EVI5: variants seen among roughly 807,000 people sequenced by gnomAD.
EVI5 encodes ecotropic viral integration site 5 protein homolog.
In EVI5, 73 loss-of-function variants were observed where a neutral mutation model predicts 112.0. That is an observed-to-expected ratio of 0.65 (90% confidence interval 0.54 to 0.79). EVI5 has a LOEUF of 0.79. EVI5 is among the 30% of genes least tolerant of loss of function. EVI5 has a pLI of 0.00. For synonymous variants in EVI5, 305 were observed against 319.9 expected (o/e 0.95, Z 0.50); for missense variants, 900 against 968.8 (o/e 0.93, Z 0.94).
chr1:92,625,603 A>T (rs1655498809), intron 15 of EVI5, 191 bp downstream of exon 15: 1 of 480,756 alleles, frequency 2.1e-6, no homozygotes. Flanking sequence ...TTATTTTATT[A>T]TAAGAATTAA....
At chr1:92,591,841 T>C (rs557073318) in intron 18 of EVI5, among the ~76,000 whole-genome samples, 17 of 152,292 alleles carry the variant, frequency 1.1e-4, no homozygotes, top group Admixed American at 2.6e-4. Flanking sequence ...TATTCCAAAA[T>C]TGACCATATA....
At chr1:92,634,851 G>C (rs1450760863) in intron 14 of EVI5, among the ~76,000 whole-genome samples, 1 of 152,114 alleles carries the variant, frequency 6.6e-6, no homozygotes, top group Non-Finnish European at 1.5e-5. Context: ...GTACAGATGG[G>C]GTTTTGGTGT....
At chr1:92,680,637 A>C (rs1477072192) in intron 9 of EVI5, among the ~76,000 whole-genome samples, 3 of 152,212 alleles carry the variant, frequency 2.0e-5, no homozygotes, top group African/African-American at 7.2e-5. Flanking sequence ...TACTTATTAC[A>C]AAAGGGGAAA....
intron 14 of EVI5, among the ~76,000 whole-genome samples, chr1:92,629,395 A>G (rs1656388580): frequency 6.6e-6 from 1 of 152,222 alleles, no homozygotes; most frequent in African/African-American, 2.4e-5. Flanking sequence ...CAAACGACAC[A>G]GAGCCCAGGC....
At chr1:92,669,626 T>A (rs752295219) in intron 10 of EVI5, among the ~76,000 whole-genome samples, 1 of 151,826 alleles carries the variant, frequency 6.6e-6, no homozygotes, top group Non-Finnish European at 1.5e-5. Flanking sequence ...GTTATCTTTT[T>A]AAAATGTCTG....
chr1:92,727,810 G>A (rs1456993154), intron 2 of EVI5, among the ~76,000 whole-genome samples: 1 of 151,896 alleles, frequency 6.6e-6, no homozygotes, highest in Non-Finnish European at 1.5e-5. Context: ...GAATCCGGGA[G>A]TTCAAGAACA....
chr1:92,578,011 T>C (rs10127891), intron 18 of EVI5, among the ~76,000 whole-genome samples: 8 of 152,242 alleles, frequency 5.3e-5, no homozygotes, highest in African/African-American at 1.9e-4. Context: ...AAAGGCGCTA[T>C]GGTGCTATAT....
intron 2 of EVI5, among the ~76,000 whole-genome samples, chr1:92,705,036 A>G (rs972640038): frequency 6.6e-6 from 1 of 152,174 alleles, no homozygotes; most frequent in African/African-American, 2.4e-5. Flanking sequence ...ATTAGGGGAA[A>G]TCTGATGAGA....
chr1:92,770,261 A>G (rs1343308109), intron 1 of EVI5, among the ~76,000 whole-genome samples: 1 of 152,220 alleles, frequency 6.6e-6, no homozygotes, highest in Admixed American at 6.5e-5. Context: ...CAGGAAAGTA[A>G]CACAGTATAG....
chr1:92,715,298 C>G (rs1048553647), intron 2 of EVI5, among the ~76,000 whole-genome samples: 10 of 152,096 alleles, frequency 6.6e-5, no homozygotes, highest in Admixed American at 3.3e-4. Flanking sequence ...CATAAGCCAC[C>G]GTGCCCTGAC....
intron 18 of EVI5, among the ~76,000 whole-genome samples, chr1:92,597,191 A>G (rs1648106545): frequency 6.6e-6 from 1 of 152,252 alleles, no homozygotes; most frequent in South Asian, 2.1e-4. Flanking sequence ...CCACAGAGAC[A>G]TTCAGGATTT....
chr1:92,614,606 C>G (rs1258930137), intron 16 of EVI5, among the ~76,000 whole-genome samples: 1 of 151,904 alleles, frequency 6.6e-6, no homozygotes, highest in Non-Finnish European at 1.5e-5. Flanking sequence ...ACTGGCCTAG[C>G]CTCCCAGCCT....
At chr1:92,539,560 A>ACC (rs34724748) in intron 19 of EVI5, among the ~76,000 whole-genome samples, 108,461 of 137,544 alleles carry the variant, frequency 0.79, 43,508 homozygotes, top group East Asian at 0.94. Context: ...AAAAAAAAAA[A>ACC]AAAAAATCTT....
At chr1:92,666,508 G>C (rs2102220455) in intron 10 of EVI5, among the ~76,000 whole-genome samples, 2 of 141,668 alleles carry the variant, frequency 1.4e-5, no homozygotes, top group East Asian at 2.1e-4. Context: ...GGCTGAGGTG[G>C]GGGTGGTGGA....
intron 1 of EVI5, among the ~76,000 whole-genome samples, chr1:92,776,945 G>C (rs1331927960): frequency 1.3e-5 from 2 of 152,070 alleles, no homozygotes; most frequent in Non-Finnish European, 2.9e-5. Context: ...TGGGACTACA[G>C]ACGCCCGCCA....
In EVI5 at chr1:92,563,658, G is replaced by T; in HGVS notation, c.2150C>A (p.Ala717Glu). Reference protein sequence around the residue: ...QYIGELKDQIAELNHELRCLK... With the variant: ...QYIGELKDQIEELNHELRCLK... ...ATCACTTACCTCATGATTCAGCTCT[G>T]CTATCTGATCTTTCAGTTCCCCAAT... The change falls in exon 19 of 20, where the codon GCA (alanine) becomes GAA (glutamate). Residue 717 changes from alanine (A) to glutamate (E), a missense_variant. Physicochemically the swap from Ala to Glu is moderately radical, Grantham distance 107 (BLOSUM62 -1). Coordinates refer to ENST00000684568, the MANE Select transcript of EVI5 (RefSeq NM_001350197.2). 1 of 1,585,046 alleles carries T rather than the reference G, an allele frequency of 6.3e-7. No individual in the cohort carries two copies. The highest frequency in any genetic ancestry group is 8.6e-7 in the Non-Finnish European group (1 of 1,157,480).
chr1:92,524,780 T>A (rs571516188), intron 19 of EVI5, among the ~76,000 whole-genome samples: 1 of 152,102 alleles, frequency 6.6e-6, no homozygotes, highest in African/African-American at 2.4e-5. Flanking sequence ...ATAACATGTC[T>A]ACCCTTAGGA....
chr1:92,629,277 T>C (rs1656357224), intron 14 of EVI5, among the ~76,000 whole-genome samples: 1 of 152,242 alleles, frequency 6.6e-6, no homozygotes, highest in East Asian at 1.9e-4. Flanking sequence ...TAGTTACACT[T>C]GTTCTGTTTC....
chr1:92,792,134 T>G (rs1686146237), intron 1 of EVI5, among the ~76,000 whole-genome samples: 1 of 152,200 alleles, frequency 6.6e-6, no homozygotes, highest in African/African-American at 2.4e-5. Flanking sequence ...AACCTAACAC[T>G]TCATAAATTT....
Sources: allele counts gnomAD v4.1 joint callset (sites outside exome capture counted in the v4.1 genomes callset), GRCh38; gene constraint gnomAD v4.1.1; transcripts MANE v1.5; gene names NCBI Gene and HGNC (gene_info 2026-07-23, HGNC 2026-07-21).